CCAR1: variants seen among roughly 807,000 people sequenced by gnomAD.
CCAR1 encodes cell division cycle and apoptosis regulator protein 1.
CCAR1 carries 78 observed loss-of-function variants against 163.8 expected under a neutral mutation model. The ratio of observed to expected loss-of-function variants is 0.48; its 90% CI spans 0.40 to 0.57. The LOEUF is 0.57. Ranked by LOEUF, CCAR1 falls within the 20% of genes least tolerant of loss-of-function variation. The pLI, the probability that CCAR1 is intolerant of heterozygous loss-of-function variation, is 0.00. For missense variants in CCAR1, 1,019 were observed against 1,365.2 expected (o/e 0.75, Z 4.00); for synonymous variants, 443 against 460.7 (o/e 0.96, Z 0.49).
At chr10:68,753,498 T>C (rs2056361656) in intron 10 of CCAR1, among the ~76,000 whole-genome samples, 1 of 152,208 alleles carries the variant, frequency 6.6e-6, no homozygotes, top group Admixed American at 6.6e-5. Flanking sequence ...GTTTTGTATC[T>C]ATTCAACATG....
At position 68,737,026 on chromosome 10, in the gene CCAR1, C is replaced by T; in HGVS notation, c.224C>T (p.Ala75Val). 6.2e-7 allele frequency: 1 copy of T among 1,613,218 alleles called. No homozygotes were observed. The highest frequency in any genetic ancestry group is 1.3e-5 in the African/African-American group (1 of 74,992). The change falls in exon 3 of 25, where the codon GCT becomes GTT. Residue 75 changes from alanine to valine, a missense_variant. Physicochemically the swap from Ala to Val is moderately conservative, Grantham distance 64. Around this residue, in one of 4 missense-constraint regions of CCAR1, gnomAD observed 644 missense variants for 904.4 expected, o/e 0.71. Transcript: ENST00000265872. Reference sequence around the variant, plus strand: ...GCTGCATTGCAGCAACAAGCCGCAGCTGCAGCAGCTGCATTACAACAGGTA... The same window carrying T: ...GCTGCATTGCAGCAACAAGCCGCAGTTGCAGCAGCTGCATTACAACAGGTA... The part of the protein sequence containing the change: ...QTAALQQQAA[A>V]AAAALQQQYS...
In CCAR1 at chr10:68,786,056, A is replaced by G. The variant is rs1444769899; in HGVS notation, c.2651-80A>G. 11 of 905,126 alleles carry G rather than the reference A, an allele frequency of 1.2e-5. No individual in the cohort carries two copies. The Admixed American group carries it at 1.4e-4, about 11-fold the overall frequency. 56.1% of individuals were successfully genotyped at this position (905,126 alleles called of 1,614,324 possible). A position where few individuals can be genotyped will look rare whatever the true frequency, so the allele number is the denominator to read the frequency against. On this transcript the variant is annotated intron_variant, in intron 19 of 24. Transcript: ENST00000265872. Reference sequence around the variant, plus strand: ...CGCCTGGCCCTCCTGAGTAGCTGGGATAACAGTCATGTGCCACTGTGCCCA... The same window carrying G: ...CGCCTGGCCCTCCTGAGTAGCTGGGGTAACAGTCATGTGCCACTGTGCCCA...
intron 5 of CCAR1, 75 bp from the exon 6 acceptor site, chr10:68,742,301 G>A: frequency 8.2e-7 from 1 of 1,213,676 alleles, no homozygotes; most frequent in Non-Finnish European, 1.2e-6. Flanking sequence ...TTCTGGGTTA[G>A]TTTTAAGTAG....
intron 6 of CCAR1, among the ~76,000 whole-genome samples, chr10:68,744,975 A>G (rs1230214460): frequency 6.6e-6 from 1 of 151,666 alleles, no homozygotes; most frequent in Admixed American, 6.6e-5. Context: ...GGCGTGTACC[A>G]CCACTTCTGG....
Position 68,791,893 on chromosome 10 carries a change from A to G in CCAR1, c.*627A>G, listed in dbSNP as rs1473952768. The G allele has an allele frequency of 6.6e-6, 1 of 152,134 alleles. No homozygotes were observed. Among genetic ancestry groups the G allele is most frequent in the Admixed American group, 6.6e-5 (1 of 15,208 alleles). The allele number at this position is 152,134 out of a possible 1,614,324, so 9.4% of individuals were successfully genotyped here. A position where few individuals can be genotyped will look rare whatever the true frequency, so the allele number is the denominator to read the frequency against. ...CGAGACCAGCCTGGCCAACATGGTG[A>G]AACCCGGTCTCTACTAAAAATATAA... On this transcript the variant is annotated 3_prime_UTR_variant, in exon 25 of 25. Coordinates refer to ENST00000265872, the MANE Select transcript of CCAR1 (RefSeq NM_018237.4).
In CCAR1 at chr10:68,786,178, A is replaced by G. The variant is rs773700175; in HGVS notation, c.2693A>G (p.Asp898Gly). The stretch of plus-strand genomic sequence containing the variant: ...ATGACCAAACGAGATGACAAAAGAG[A>G]TATCAACAGATACTGCAAGGAGAGG... ...EEMTKRDDKR[D>G]INRYCKERPS... Residue 898 changes from aspartate to glycine, a missense_variant, in exon 20 of 25, where the codon GAT becomes GGT. By Grantham distance (94) the Asp-to-Gly change is moderately conservative (BLOSUM62 -1). Around this residue, in one of 4 missense-constraint regions of CCAR1, gnomAD observed 358 missense variants for 406.4 expected, o/e 0.88. Transcript: ENST00000265872. 6.2e-6 allele frequency: 10 copies of G among 1,612,208 alleles called. No homozygotes were observed. The highest frequency in any genetic ancestry group is 2.7e-5 in the African/African-American group (2 of 74,880).
intron 19 of CCAR1, among the ~76,000 whole-genome samples, chr10:68,784,782 C>T (rs979799168): frequency 5.3e-5 from 8 of 152,072 alleles, no homozygotes; most frequent in Admixed American, 6.6e-5. Context: ...AGATCCTTTA[C>T]CAGCAAAAGG....
chr10:68,748,893 G>A (rs1334760431), intron 8 of CCAR1, among the ~76,000 whole-genome samples: 1 of 151,938 alleles, frequency 6.6e-6, no homozygotes, highest in Non-Finnish European at 1.5e-5. Context: ...GCCAGAGCTG[G>A]TGTTGAACTC....
At position 68,765,943 on chromosome 10, in the gene CCAR1, A is replaced by G. The variant is rs2056530273; in HGVS notation, c.2162A>G (p.Tyr721Cys). The G allele has an allele frequency of 2.5e-6, 4 of 1,613,952 alleles. No homozygotes were observed. Among genetic ancestry groups the G allele is most frequent in the East Asian group, 2.2e-5 (1 of 44,892 alleles). ...GAACGCCAGCGTCGAGAAAGAAGATATATTTTGCCTGATGAACCGGCCATC... is the reference window on the plus strand; with the variant it reads ...GAACGCCAGCGTCGAGAAAGAAGATGTATTTTGCCTGATGAACCGGCCATC... The part of the protein sequence containing the change: ...EIERQRRERR[Y>C]ILPDEPAIIV... Residue 721 changes from tyrosine to cysteine, a missense_variant, in exon 17 of 25, where the codon TAT (tyrosine) becomes TGT (cysteine). Tyr to Cys is a radical substitution (Grantham distance 194). Around this residue, in one of 4 missense-constraint regions of CCAR1, gnomAD observed 644 missense variants for 904.4 expected, o/e 0.71. Transcript: ENST00000265872.
intron 2 of CCAR1, among the ~76,000 whole-genome samples, chr10:68,724,531 C>G (rs977326787): frequency 5.3e-5 from 8 of 152,180 alleles, no homozygotes; most frequent in African/African-American, 1.9e-4. Context: ...CTCACGCGAT[C>G]CTCCCATCTT....
rs1034282993 is a variant in CCAR1, at chr10:68,791,506, G to C, written c.*240G>C. The C allele has an allele frequency of 7.4e-5, 20 of 271,886 alleles. No individual in the cohort carries two copies. Among genetic ancestry groups the C allele is most frequent in the Non-Finnish European group, 1.3e-4 (18 of 142,044 alleles). 16.8% of individuals were successfully genotyped at this position (271,886 alleles called of 1,614,324 possible). ...AATTTTGCATTGCAAAGTGTTTTAG[G>C]ATGAACTTTGTTATAGTTTTAACTC... On this transcript the variant is annotated 3_prime_UTR_variant, in exon 25 of 25. Transcript: ENST00000265872.
intron 21 of CCAR1, 107 bp downstream of exon 21, chr10:68,786,799 T>C (rs2056800139): frequency 1.0e-6 from 1 of 997,520 alleles, no homozygotes; most frequent in Non-Finnish European, 1.5e-6. Flanking sequence ...TAAAGCAATA[T>C]AAGGGCCAGG....
intron 8 of CCAR1, among the ~76,000 whole-genome samples, chr10:68,748,103 T>G (rs983117408): frequency 6.6e-6 from 1 of 152,166 alleles, no homozygotes; most frequent in Non-Finnish European, 1.5e-5. Flanking sequence ...ATCCGCCCAC[T>G]TCGGCCTCCC....
chr10:68,741,920 G>A (rs1311832920), intron 5 of CCAR1, among the ~76,000 whole-genome samples: 1 of 152,084 alleles, frequency 6.6e-6, no homozygotes, highest in Non-Finnish European at 1.5e-5. Flanking sequence ...TGGTTAACAC[G>A]TAACTCATAA....
At chr10:68,755,321 A>G (rs2056384981) in intron 12 of CCAR1, 49 bp from the exon 13 acceptor site, 2 of 1,502,212 alleles carry the variant, frequency 1.3e-6, no homozygotes, top group African/African-American at 1.4e-5. Context: ...CTTATTGGTA[A>G]TTTGACAGGG....
intron 19 of CCAR1, among the ~76,000 whole-genome samples, chr10:68,774,630 CA>C (rs767640848): frequency 8.3e-4 from 87 of 105,104 alleles, no homozygotes; most frequent in Admixed American, 7.2e-4. Flanking sequence ...AACTCCATCT[CA>C]AAAAAAAAAA....
At chr10:68,723,267 A>G (rs958273720) in intron 2 of CCAR1, among the ~76,000 whole-genome samples, 6 of 147,224 alleles carry the variant, frequency 4.1e-5, no homozygotes, top group African/African-American at 1.2e-4. Context: ...GACTACAGGC[A>G]CCCGCCACCA....
chr10:68,721,726 G>A (rs989102844), intron 1 of CCAR1: 5 of 325,202 alleles, frequency 1.5e-5, no homozygotes, highest in Admixed American at 1.2e-4. Flanking sequence ...GGTGGGTTCC[G>A]CCTTCCGTCG....
intron 2 of CCAR1, among the ~76,000 whole-genome samples, chr10:68,734,178 G>T (rs1337571546): frequency 6.6e-6 from 1 of 151,984 alleles, no homozygotes; most frequent in Admixed American, 6.6e-5. Flanking sequence ...GCCTTTGGTC[G>T]GTTCATTAAA....
Sources: allele counts gnomAD v4.1 joint callset (sites outside exome capture counted in the v4.1 genomes callset), GRCh38; gene constraint gnomAD v4.1.1; regional missense constraint gnomAD v4.1.1; transcripts MANE v1.5; gene names NCBI Gene and HGNC (gene_info 2026-07-23, HGNC 2026-07-21).